The following DAB1 variants were observed in gnomAD, a reference collection of about 807,000 sequenced individuals.
The protein encoded by DAB1 is DAB adaptor protein 1.
Under a neutral mutation model 64.6 loss-of-function variants are expected in DAB1, and 15 were observed. The ratio of observed to expected loss-of-function variants is 0.23; its 90% CI spans 0.16 to 0.36. DAB1 has a LOEUF of 0.36. Among genes scored for constraint, DAB1 ranks in the 10% least tolerant of loss-of-function variants. The pLI is 1.00. For synonymous variants in DAB1, 235 were observed against 251.9 expected, an observed-to-expected ratio of 0.93 and a Z score of 0.64; for missense variants, 596 against 706.7, an observed-to-expected ratio of 0.84 and a Z score of 1.78.
intron 5 of DAB1, chr1:58,048,028 T>C (rs574219624): frequency 7.6e-6 from 5 of 654,550 alleles, no homozygotes; most frequent in Admixed American, 4.3e-5. Flanking sequence ...TTTGCCCATA[T>C]ACATGAGTAT....
intron 4 of DAB1, chr1:58,150,625 G>T (rs990296285): frequency 1.3e-5 from 2 of 150,280 alleles, no homozygotes; most frequent in African/African-American, 4.9e-5. Flanking sequence ...AGGTTGGGAG[G>T]CTCACTTTCC....
chr1:57,230,463 A>G (rs1325765062), intron 2 of DAB1, among the ~76,000 whole-genome samples: 1 of 152,188 alleles, frequency 6.6e-6, no homozygotes, highest in East Asian at 1.9e-4. Flanking sequence ...ATATAGTAAC[A>G]AACAAACATA....
intron 4 of DAB1, among the ~76,000 whole-genome samples, chr1:57,124,368 A>C (rs1218964789): frequency 6.6e-6 from 1 of 152,094 alleles, no homozygotes; most frequent in Non-Finnish European, 1.5e-5. Context: ...GCACAGTCAG[A>C]GTCATGAGAT....
chr1:58,257,911 A>C (rs1010389116), intron 4 of DAB1, among the ~76,000 whole-genome samples: 12 of 152,216 alleles, frequency 7.9e-5, no homozygotes, highest in African/African-American at 2.9e-4. Context: ...GGCCCCTTAC[A>C]CTTGATCTTG....
At chr1:58,183,639 C>T (rs1656914393) in intron 4 of DAB1, among the ~76,000 whole-genome samples, 1 of 148,710 alleles carries the variant, frequency 6.7e-6, no homozygotes, top group South Asian at 2.2e-4. Context: ...GTTTCTGCTT[C>T]TTTGCACGTC....
intron 5 of DAB1, among the ~76,000 whole-genome samples, chr1:58,031,789 C>T (rs903510417): frequency 6.6e-6 from 1 of 152,122 alleles, no homozygotes; most frequent in Non-Finnish European, 1.5e-5. Flanking sequence ...GGCAGAAAAA[C>T]AATATCCTGC....
intron 7 of DAB1, among the ~76,000 whole-genome samples, chr1:57,633,185 T>C (rs945122733): frequency 1.3e-5 from 2 of 152,196 alleles, no homozygotes; most frequent in African/African-American, 4.8e-5. Context: ...GGAGAAGCTG[T>C]GTCCTGTTGT....
intron 6 of DAB1, among the ~76,000 whole-genome samples, chr1:57,767,728 G>A (rs1000980455): frequency 6.6e-6 from 1 of 152,124 alleles, no homozygotes; most frequent in East Asian, 1.9e-4. Context: ...CAAGCTCAGG[G>A]AGCAGTGCAT....
intron 5 of DAB1, among the ~76,000 whole-genome samples, chr1:57,978,374 T>C (rs547401880): frequency 4.4e-4 from 67 of 152,276 alleles, no homozygotes; most frequent in African/African-American, 1.6e-3. Context: ...TGCAGAAAAC[T>C]GAAACAGGAC....
chr1:58,243,152 C>A (rs1375880592), intron 4 of DAB1, among the ~76,000 whole-genome samples: 1 of 151,850 alleles, frequency 6.6e-6, no homozygotes, highest in Non-Finnish European at 1.5e-5. Context: ...CATTTTAAAC[C>A]CTCCTTCCTG....
chr1:57,025,694 G>A (rs967976071), intron 10 of DAB1, among the ~76,000 whole-genome samples: 7 of 152,184 alleles, frequency 4.6e-5, no homozygotes, highest in Non-Finnish European at 8.8e-5. Flanking sequence ...TTTCTTCTCA[G>A]ACCACAGCAG....
intron 1 of DAB1, among the ~76,000 whole-genome samples, chr1:58,540,493 G>C (rs1646589409): frequency 3.3e-5 from 5 of 151,610 alleles, no homozygotes. Flanking sequence ...TACTGCACAT[G>C]TTTAAGAAGC....
At chr1:57,950,516 T>C (rs1388043865) in intron 5 of DAB1, among the ~76,000 whole-genome samples, 1 of 152,168 alleles carries the variant, frequency 6.6e-6, no homozygotes, top group East Asian at 1.9e-4. Context: ...TGGGATCACT[T>C]CATTCTCCTG....
At chr1:57,157,429 T>C (rs1375785449) in intron 2 of DAB1, among the ~76,000 whole-genome samples, 1 of 152,178 alleles carries the variant, frequency 6.6e-6, no homozygotes, top group Non-Finnish European at 1.5e-5. Flanking sequence ...CAGACATTTA[T>C]TTCTCATGGT....
chr1:57,952,402 C>T (rs1645298643), intron 5 of DAB1, among the ~76,000 whole-genome samples: 1 of 152,166 alleles, frequency 6.6e-6, no homozygotes, highest in South Asian at 2.1e-4. Flanking sequence ...CTCCACTCCT[C>T]CTTCCAGTTA....
intron 4 of DAB1, among the ~76,000 whole-genome samples, chr1:57,075,027 AG>A (rs1651861522): frequency 6.6e-6 from 1 of 152,184 alleles, no homozygotes; most frequent in Non-Finnish European, 1.5e-5. Context: ...GAAAAGTGGG[AG>A]ACAAAGATGT....
intron 1 of DAB1, among the ~76,000 whole-genome samples, chr1:57,338,755 G>C (rs947786955): frequency 6.6e-6 from 1 of 152,144 alleles, no homozygotes; most frequent in East Asian, 1.9e-4. Context: ...ACAGTCTTGT[G>C]TACTAGTCAT....
At position 58,026,437 on chromosome 1, in the gene DAB1, T is replaced by C. The variant is rs148524137; in HGVS notation, n.387+124074A>G. ...CATCCCTGAGTGAGGATGGTGATGG[T>C]ATCAATCTCATAAGGCTGTTATGGG... is the stretch of plus-strand genomic sequence containing the variant. On this transcript the variant is annotated intron_variant and non_coding_transcript_variant, in intron 5 of 20. Coordinates refer to the DAB1 transcript ENST00000485760. Among the ~76,000 whole-genome samples, 179 of 152,298 alleles carry C rather than the reference T, an allele frequency of 1.2e-3. 2 individuals carry two copies. The South Asian group carries it at 0.02, about 17-fold the overall frequency.
intron 4 of DAB1, among the ~76,000 whole-genome samples, chr1:57,080,033 T>C (rs904573212): frequency 6.6e-6 from 1 of 152,226 alleles, no homozygotes; most frequent in South Asian, 2.1e-4. Flanking sequence ...AAGGGTTTTG[T>C]ACATCTATGA....
Sources: gnomAD v4.1 joint callset for allele counts (sites outside exome capture counted in the v4.1 genomes callset) on GRCh38, gnomAD v4.1.1 for gene constraint, MANE v1.5 for transcripts, NCBI Gene and HGNC (gene_info 2026-07-23, HGNC 2026-07-21) for gene names.